HCN1: variants seen among roughly 807,000 people sequenced by gnomAD.
The protein encoded by HCN1 is potassium/sodium hyperpolarization-activated cyclic nucleotide-gated channel 1.
HCN1 carries 13 observed loss-of-function variants against 78.9 expected under a neutral mutation model. That is an observed-to-expected ratio of 0.16 (90% CI 0.11 to 0.26). The LOEUF (loss-of-function observed/expected upper bound fraction) is 0.26, where lower values mean the gene tolerates loss of function less well. Ranked by LOEUF, HCN1 falls within the 10% of genes least tolerant of loss-of-function variation. The pLI is 1.00. For synonymous variants in HCN1, 552 were observed against 455.5 expected (o/e 1.21, Z -2.70); for missense variants, 810 against 1,154.3 (o/e 0.70, Z 4.32).
intron 5 of HCN1, among the ~76,000 whole-genome samples, chr5:45,325,282 C>G (rs971092017): frequency 2.6e-5 from 4 of 151,656 alleles, no homozygotes; most frequent in African/African-American, 9.7e-5. Flanking sequence ...GGGAATATAA[C>G]TCAAAATCTC....
chr5:45,559,815 T>C (rs1743557444), intron 2 of HCN1: 1 of 152,178 alleles, frequency 6.6e-6, no homozygotes, highest in South Asian at 2.1e-4. Flanking sequence ...CAAATAACAT[T>C]ATGTGCTTCA....
chr5:45,369,802 T>G (rs927588696), intron 4 of HCN1, among the ~76,000 whole-genome samples: 6 of 152,120 alleles, frequency 3.9e-5, no homozygotes, highest in Admixed American at 3.3e-4. Flanking sequence ...CTTAATTGAT[T>G]ATTCCGGATC....
chr5:45,451,209 T>G (rs913503204), intron 3 of HCN1, among the ~76,000 whole-genome samples: 42 of 152,096 alleles, frequency 2.8e-4, no homozygotes, highest in Admixed American at 1.8e-3. Context: ...ATTTATAGGG[T>G]TTCTATTTTA....
chr5:45,572,827 T>G (rs1026835135), intron 2 of HCN1, among the ~76,000 whole-genome samples: 2 of 152,200 alleles, frequency 1.3e-5, no homozygotes, highest in Admixed American at 6.5e-5. Flanking sequence ...TGTAGTGTTG[T>G]GAATAGGGAA....
At chr5:45,627,227 T>C (rs889043867) in intron 2 of HCN1, among the ~76,000 whole-genome samples, 16 of 152,188 alleles carry the variant, frequency 1.1e-4, no homozygotes, top group African/African-American at 3.4e-4. Context: ...CATTGAAATA[T>C]AGAACCTGCA....
At position 45,333,692 on chromosome 5, in the gene HCN1, T is replaced by A. The variant is rs144130661; in HGVS notation, c.1377+19408A>T. On this transcript the variant is annotated intron_variant, in intron 5 of 7. Transcript: ENST00000303230. ...GCTAGAGATAGGGGTCTAGTTTCAT[T>A]CTTCTGCATATGGATACCCAGTTTT... is the stretch of plus-strand genomic sequence containing the variant. Among the ~76,000 whole-genome samples the A allele has an allele frequency of 2.5e-3, 386 of 151,946 alleles. 1 individual carries two copies. Among genetic ancestry groups the A allele is most frequent in the South Asian group, 6.8e-3 (33 of 4,824 alleles).
intron 2 of HCN1, among the ~76,000 whole-genome samples, chr5:45,525,086 A>C (rs550052641): frequency 6.6e-6 from 1 of 152,092 alleles, no homozygotes; most frequent in East Asian, 1.9e-4. Context: ...GAATTTTGTC[A>C]AAGGCCTTTT....
intron 5 of HCN1, among the ~76,000 whole-genome samples, chr5:45,315,352 T>C (rs1745961123): frequency 6.6e-6 from 1 of 152,118 alleles, no homozygotes; most frequent in Non-Finnish European, 1.5e-5. Context: ...AATAAAGATG[T>C]CCTTTAAAAC....
At chr5:45,492,511 G>GT (rs1161210401) in intron 2 of HCN1, among the ~76,000 whole-genome samples, 1,874 of 99,210 alleles carry the variant, frequency 0.019, 55 homozygotes, top group Non-Finnish European at 0.024. Context: ...ACCAGCAACA[G>GT]TTTTTTTGTT....
chr5:45,392,552 A>G (rs1739597603), intron 4 of HCN1, among the ~76,000 whole-genome samples: 1 of 152,070 alleles, frequency 6.6e-6, no homozygotes, highest in African/African-American at 2.4e-5. Context: ...GTTATCATAT[A>G]TAGGCCAGGC....
chr5:45,458,717 A>G (rs1010362762), intron 3 of HCN1, among the ~76,000 whole-genome samples: 3 of 152,154 alleles, frequency 2.0e-5, no homozygotes, highest in Non-Finnish European at 2.9e-5. Context: ...TCTTGGTTCT[A>G]TAATCTAGCT....
intron 2 of HCN1, among the ~76,000 whole-genome samples, chr5:45,507,602 A>G (rs1429464762): frequency 6.6e-6 from 1 of 152,204 alleles, no homozygotes; most frequent in Non-Finnish European, 1.5e-5. Flanking sequence ...AAATAACAGT[A>G]TATAAATGAG....
At chr5:45,302,195 C>T (rs1020323469) in intron 6 of HCN1, among the ~76,000 whole-genome samples, 2 of 152,002 alleles carry the variant, frequency 1.3e-5, no homozygotes, top group East Asian at 1.9e-4. Context: ...GTGTTAAGGG[C>T]GGTGGGACGT....
At position 45,260,866 on chromosome 5, in the gene HCN1, C is replaced by T. The variant is rs1159717401; in HGVS notation, c.*1055G>A. On this transcript the variant is annotated 3_prime_UTR_variant, in exon 8 of 8. Coordinates refer to ENST00000303230, the MANE Select transcript of HCN1 (RefSeq NM_021072.4). ...GAAACGAGAAATACTGTAAGCCTTT[C>T]TCTACAATGACTGATTTGAACCTAT... 1.3e-5 allele frequency: 2 copies of T among 152,562 alleles called. No individual in the cohort carries two copies. Among genetic ancestry groups the T allele is most frequent in the African/African-American group, 4.8e-5 (2 of 41,438 alleles). The allele number at this position is 152,562 out of a possible 1,614,324, so 9.5% of individuals were successfully genotyped here.
intron 1 of HCN1, among the ~76,000 whole-genome samples, chr5:45,683,127 A>T (rs1739735882): frequency 1.4e-5 from 2 of 139,006 alleles, no homozygotes; most frequent in South Asian, 4.7e-4. Context: ...TTTATAAATT[A>T]ATTTTTTTAT....
intron 2 of HCN1, among the ~76,000 whole-genome samples, chr5:45,580,170 GGTTGT>G (rs1368998703): frequency 6.6e-6 from 1 of 152,018 alleles, no homozygotes; most frequent in Admixed American, 6.6e-5. Context: ...AGGAAATTAA[GGTTGT>G]GGAGGTAATT....
intron 6 of HCN1, among the ~76,000 whole-genome samples, chr5:45,270,895 T>A (rs931429454): frequency 6.6e-6 from 1 of 152,114 alleles, no homozygotes. Context: ...TAGTCAAATT[T>A]TTTCTAAACC....
At chr5:45,688,534 C>A (rs940179083) in intron 1 of HCN1, among the ~76,000 whole-genome samples, 3 of 152,076 alleles carry the variant, frequency 2.0e-5, no homozygotes, top group African/African-American at 7.2e-5. Flanking sequence ...AATTTATTAA[C>A]TCTAAGATTA....
intron 2 of HCN1, among the ~76,000 whole-genome samples, chr5:45,625,256 C>A (rs1745140795): frequency 6.6e-6 from 1 of 151,874 alleles, no homozygotes; most frequent in Admixed American, 6.6e-5. Context: ...TGAGCTGAGA[C>A]CATGCCATTG....
Sources: gnomAD v4.1 joint callset for allele counts (sites outside exome capture counted in the v4.1 genomes callset) on GRCh38, gnomAD v4.1.1 for gene constraint, MANE v1.5 for transcripts, NCBI Gene and HGNC (gene_info 2026-07-23, HGNC 2026-07-21) for gene names.